OPCML: variants seen among roughly 807,000 people sequenced by gnomAD.
OPCML encodes the protein opioid binding protein/cell adhesion molecule like.
In OPCML, 13 loss-of-function variants were observed where a neutral mutation model predicts 37.8. The ratio of observed to expected loss-of-function variants is 0.34; its 90% CI spans 0.22 to 0.55. The LOEUF (loss-of-function observed/expected upper bound fraction) is 0.55. OPCML is among the 20% of genes least tolerant of loss of function. The probability of loss-of-function intolerance (pLI) is 0.91; values close to 1 mark genes in which losing one functional copy is unlikely to be tolerated. For synonymous variants in OPCML, 176 were observed against 168.8 expected, an observed-to-expected ratio of 1.04 and a Z score of -0.33; for missense variants, 341 against 435.6, an observed-to-expected ratio of 0.78 and a Z score of 1.93.
At chr11:133,514,994 C>T (rs1948234995) in intron 1 of OPCML, among the ~76,000 whole-genome samples, 1 of 152,148 alleles carries the variant, frequency 6.6e-6, no homozygotes, top group African/African-American at 2.4e-5. Context: ...TACTATTATA[C>T]CCAATAGTGT....
intron 1 of OPCML, among the ~76,000 whole-genome samples, chr11:132,989,393 A>G (rs756497891): frequency 4.7e-4 from 72 of 152,362 alleles, no homozygotes; most frequent in Non-Finnish European, 7.5e-4. Flanking sequence ...ATCACACATA[A>G]AAAATGCATG....
rs186021910 is a variant in OPCML at position 133,094,867 on chromosome 11, T to A, written c.62-151857A>T. Among the ~76,000 whole-genome samples, 7 of 152,274 alleles carry A rather than the reference T, an allele frequency of 4.6e-5. No homozygotes were observed. In the East Asian group the frequency reaches 1.4e-3, roughly 29 times the overall value. ...TGGGAAGATTTCATGACAACATGAA[T>A]ATAAAAATAGTACTGGGATATAATA... On this transcript the variant is annotated intron_variant, in intron 1 of 7. Transcript: ENST00000524381.
At chr11:133,489,775 G>C (rs2120429379) in intron 1 of OPCML, among the ~76,000 whole-genome samples, 1 of 151,928 alleles carries the variant, frequency 6.6e-6, no homozygotes, top group Middle Eastern at 3.4e-3. Flanking sequence ...CAAAGTTATG[G>C]AATCAAGCTA....
chr11:133,178,050 C>T (rs148588602), intron 1 of OPCML, among the ~76,000 whole-genome samples: 58 of 152,274 alleles, frequency 3.8e-4, no homozygotes, highest in African/African-American at 1.1e-3. Context: ...AAGTGGTATT[C>T]GTTTCCAAGG....
chr11:132,860,903 A>G (rs996236906), intron 2 of OPCML: 2 of 152,230 alleles, frequency 1.3e-5, no homozygotes, highest in Non-Finnish European at 2.9e-5. Context: ...CCTTTGAGGT[A>G]GTAGGCAAAA....
chr11:132,950,083 G>C (rs577953071), intron 1 of OPCML, among the ~76,000 whole-genome samples: 3 of 152,220 alleles, frequency 2.0e-5, no homozygotes, highest in African/African-American at 7.2e-5. Context: ...AGGTGCAGCC[G>C]CGCTGGGCCT....
intron 3 of OPCML, among the ~76,000 whole-genome samples, chr11:132,577,161 G>C (rs1251137957): frequency 6.6e-6 from 1 of 152,072 alleles, no homozygotes; most frequent in Non-Finnish European, 1.5e-5. Context: ...TTAACTTCTA[G>C]ATTTCTCACA....
intron 1 of OPCML, among the ~76,000 whole-genome samples, chr11:133,132,055 A>C (rs1232760895): frequency 1.3e-5 from 2 of 152,218 alleles, no homozygotes; most frequent in Non-Finnish European, 2.9e-5. Context: ...GACTTCATCA[A>C]AATTAAAAAT....
intron 1 of OPCML, among the ~76,000 whole-genome samples, chr11:133,069,431 C>T (rs1483479367): frequency 1.3e-5 from 2 of 152,160 alleles, no homozygotes; most frequent in Non-Finnish European, 2.9e-5. Context: ...AAGTGCCAAG[C>T]TCTCCTATTC....
chr11:132,618,767 C>A (rs139785938), intron 3 of OPCML, among the ~76,000 whole-genome samples: 3 of 152,140 alleles, frequency 2.0e-5, no homozygotes, highest in African/African-American at 7.2e-5. Flanking sequence ...AGCATCACCA[C>A]TCTATGTCTC....
intron 1 of OPCML, among the ~76,000 whole-genome samples, chr11:133,258,968 C>G (rs976820835): frequency 6.6e-5 from 10 of 152,174 alleles, no homozygotes; most frequent in Non-Finnish European, 1.5e-4. Context: ...CCATTTGAAA[C>G]CTCAAGGCCC....
At chr11:133,491,460 G>T in intron 1 of OPCML, among the ~76,000 whole-genome samples, 1 of 152,168 alleles carries the variant, frequency 6.6e-6, no homozygotes, top group East Asian at 1.9e-4. Context: ...TTCTTATTGT[G>T]TGGTTATAGT....
At chr11:133,439,015 A>T (rs1335670925) in intron 1 of OPCML, among the ~76,000 whole-genome samples, 1 of 152,080 alleles carries the variant, frequency 6.6e-6, no homozygotes, top group Non-Finnish European at 1.5e-5. Context: ...CCTGAGTTCT[A>T]TTCTGTATAA....
rs571552164 is a variant in OPCML, at chr11:133,307,715, C to T, written c.61+224549G>A. 2.6e-5 allele frequency among the ~76,000 whole-genome samples: 4 copies of T among 152,230 alleles called. No individual in the cohort carries two copies. The East Asian group carries it at 5.8e-4, about 22-fold the overall frequency. ...AGCAAACTGGGATTGAACTCAGGTG[C>T]GTTTTGATTCCAATATCTGCAACAT... is the stretch of plus-strand genomic sequence containing the variant. On this transcript the variant is annotated intron_variant, in intron 1 of 7. Transcript: ENST00000524381.
chr11:133,328,833 G>A (rs1187463227), intron 1 of OPCML, among the ~76,000 whole-genome samples: 1 of 152,082 alleles, frequency 6.6e-6, no homozygotes, highest in Non-Finnish European at 1.5e-5. Context: ...TTCTGGCCAG[G>A]GCAATCAGGC....
At chr11:133,438,770 AG>A (rs1242882140) in intron 1 of OPCML, among the ~76,000 whole-genome samples, 2 of 152,078 alleles carry the variant, frequency 1.3e-5, no homozygotes, top group Non-Finnish European at 2.9e-5. Context: ...ACCTCTGGGG[AG>A]GGGAAAAGAG....
intron 2 of OPCML, among the ~76,000 whole-genome samples, chr11:132,783,357 G>A (rs1292779834): frequency 2.0e-5 from 3 of 152,064 alleles, no homozygotes; most frequent in Non-Finnish European, 4.4e-5. Context: ...CTTTAGTGGG[G>A]TTAAGTCATA....
chr11:132,894,655 C>G (rs1201922086), intron 2 of OPCML, among the ~76,000 whole-genome samples: 1 of 152,220 alleles, frequency 6.6e-6, no homozygotes, highest in African/African-American at 2.4e-5. Flanking sequence ...GATCCACCCT[C>G]AGTGTGCTTG....
intron 1 of OPCML, among the ~76,000 whole-genome samples, chr11:133,125,560 A>G (rs1170546620): frequency 1.3e-5 from 2 of 148,986 alleles, no homozygotes; most frequent in Non-Finnish European, 3.0e-5. Flanking sequence ...TAGGATATAT[A>G]TATATATAAA....
Sources: allele counts gnomAD v4.1 joint callset (sites outside exome capture counted in the v4.1 genomes callset), GRCh38; gene constraint gnomAD v4.1.1; transcripts MANE v1.5; gene names NCBI Gene and HGNC (gene_info 2026-07-23, HGNC 2026-07-21).